The following RBPMS variants were observed in gnomAD, a reference collection of about 807,000 sequenced individuals.
The protein encoded by RBPMS is RNA binding protein, mRNA processing factor.
A neutral mutation model predicts 26.8 loss-of-function variants in RBPMS; 7 were observed. The ratio of observed to expected loss-of-function variants is 0.26; its 90% CI spans 0.15 to 0.49. The LOEUF is 0.49. Among genes scored for constraint, RBPMS ranks in the 20% least tolerant of loss-of-function variants. The pLI is 0.98. For missense variants in RBPMS, 186 were observed against 250.0 expected, an observed-to-expected ratio of 0.74 and a Z score of 1.73; for synonymous variants, 96 against 93.3, an observed-to-expected ratio of 1.03 and a Z score of -0.17.
chr8:30,417,378 T>TTATC (rs1463135558), intron 1 of RBPMS, among the ~76,000 whole-genome samples: 2 of 152,334 alleles, frequency 1.3e-5, no homozygotes, highest in African/African-American at 4.8e-5. Flanking sequence ...AGATAACTGA[T>TTATC]TATCAGTGGT....
At chr8:30,486,467 CAA>C (rs775790893) in intron 4 of RBPMS, among the ~76,000 whole-genome samples, 31 of 123,500 alleles carry the variant, frequency 2.5e-4, no homozygotes, top group East Asian at 4.7e-4. Flanking sequence ...ACTAAAAGTA[CAA>C]AAAAAAAAAA....
chr8:30,440,941 C>T (rs1301712208), intron 1 of RBPMS, among the ~76,000 whole-genome samples: 1 of 151,876 alleles, frequency 6.6e-6, no homozygotes, highest in African/African-American at 2.4e-5. Context: ...TGGCTAGGAC[C>T]ACATCACCAC....
chr8:30,562,912 TGACTA>T (rs2151090619), intron 7 of RBPMS, among the ~76,000 whole-genome samples: 1 of 152,320 alleles, frequency 6.6e-6, no homozygotes, highest in African/African-American at 2.4e-5. Flanking sequence ...GAGAAATCAG[TGACTA>T]GACTAGATAT....
At chr8:30,494,450 A>G (rs1484120782) in intron 4 of RBPMS, among the ~76,000 whole-genome samples, 5 of 144,730 alleles carry the variant, frequency 3.5e-5, no homozygotes, top group African/African-American at 1.2e-4. Flanking sequence ...ACAAGATCTC[A>G]TTTAATCTTT....
intron 1 of RBPMS, among the ~76,000 whole-genome samples, chr8:30,432,207 A>G (rs1373407691): frequency 6.6e-6 from 1 of 152,160 alleles, no homozygotes; most frequent in African/African-American, 2.4e-5. Flanking sequence ...CTTATTAACA[A>G]AGTTTGAAGT....
intron 1 of RBPMS, among the ~76,000 whole-genome samples, chr8:30,446,396 T>C (rs1813775124): frequency 6.6e-6 from 1 of 152,232 alleles, no homozygotes; most frequent in Non-Finnish European, 1.5e-5. Flanking sequence ...TTCTGTGTTT[T>C]CTATTTTAAG....
chr8:30,439,462 G>A (rs1174974253), intron 1 of RBPMS, among the ~76,000 whole-genome samples: 4 of 152,122 alleles, frequency 2.6e-5, no homozygotes, highest in Non-Finnish European at 4.4e-5. Context: ...TAGCACCTAC[G>A]AGAAACTTTG....
At chr8:30,472,737 G>A (rs1817268783) in intron 1 of RBPMS, among the ~76,000 whole-genome samples, 1 of 152,158 alleles carries the variant, frequency 6.6e-6, no homozygotes, top group Non-Finnish European at 1.5e-5. Context: ...GGCCTTGCTT[G>A]GTGATTCGCA....
intron 4 of RBPMS, among the ~76,000 whole-genome samples, chr8:30,486,723 TAGGG>T (rs1818831279): frequency 6.6e-6 from 1 of 152,120 alleles, no homozygotes; most frequent in Admixed American, 6.5e-5. Context: ...CCTGGAGAAT[TAGGG>T]AGGAAGAACC....
At position 30,541,243 on chromosome 8, in the gene RBPMS, G is replaced by A. The variant is rs186578910; in HGVS notation, c.398-3251G>A. On this transcript the variant is annotated intron_variant, in intron 5 of 8. Coordinates refer to ENST00000397323, the MANE Select transcript of RBPMS (RefSeq NM_001008710.3). ...CTGTTTCCTCATCTAAAACGAAAAG[G>A]CAGAAGATGATCTTCCCAAGCTCTG... 1.6e-4 allele frequency among the ~76,000 whole-genome samples: 25 copies of A among 152,206 alleles called. No individual in the cohort carries two copies. In the East Asian group the frequency reaches 3.5e-3, roughly 21 times the overall value.
At chr8:30,385,805 C>T (rs1806997942) in intron 1 of RBPMS, among the ~76,000 whole-genome samples, 1 of 152,078 alleles carries the variant, frequency 6.6e-6, no homozygotes, top group Non-Finnish European at 1.5e-5. Context: ...AAATGCTCAT[C>T]GAGGGTATTT....
chr8:30,441,822 G>A (rs1228861420), intron 1 of RBPMS, among the ~76,000 whole-genome samples: 1 of 151,866 alleles, frequency 6.6e-6, no homozygotes, highest in Non-Finnish European at 1.5e-5. Context: ...TTCTTTTTTT[G>A]AGACGGAGTC....
At chr8:30,549,795 T>TCTCTCTCTCTC (rs1298441943) in intron 6 of RBPMS, among the ~76,000 whole-genome samples, 1 of 100,742 alleles carries the variant, frequency 9.9e-6, no homozygotes, top group Non-Finnish European at 1.9e-5. Flanking sequence ...TCTCTCTCTC[T>TCTCTCTCTCTC]CCCCTCTCTC....
At chr8:30,537,477 A>G (rs1310495033) in intron 5 of RBPMS, 1 of 438,982 alleles carries the variant, frequency 2.3e-6, no homozygotes, top group African/African-American at 2.0e-5. Flanking sequence ...AGTTAAAGTC[A>G]GTCTGGCTGA....
At chr8:30,460,435 G>A (rs1815749250) in intron 1 of RBPMS, among the ~76,000 whole-genome samples, 1 of 152,200 alleles carries the variant, frequency 6.6e-6, no homozygotes, top group Non-Finnish European at 1.5e-5. Context: ...TAGAAAAGTG[G>A]ATGGTTCTTA....
chr8:30,419,466 G>GTA (rs1810496975), intron 1 of RBPMS, among the ~76,000 whole-genome samples: 1 of 151,636 alleles, frequency 6.6e-6, no homozygotes, highest in African/African-American at 2.4e-5. Context: ...GTGTGTGTGT[G>GTA]TGTGTGTGTG....
chr8:30,454,631 AAT>A (rs1475920589), intron 1 of RBPMS, among the ~76,000 whole-genome samples: 1 of 152,250 alleles, frequency 6.6e-6, no homozygotes, highest in Non-Finnish European at 1.5e-5. Context: ...CTTATAAAGA[AAT>A]AAATGTGTTG....
intron 1 of RBPMS, among the ~76,000 whole-genome samples, chr8:30,457,583 C>CTTTTTTT (rs77253053): frequency 1.5e-5 from 2 of 132,858 alleles, no homozygotes; most frequent in East Asian, 2.3e-4. Flanking sequence ...GATTTACATT[C>CTTTTTTT]TTTTTTTTTT....
chr8:30,412,150 C>CTA (rs1809525031), intron 1 of RBPMS, among the ~76,000 whole-genome samples: 1 of 152,202 alleles, frequency 6.6e-6, no homozygotes, highest in South Asian at 2.1e-4. Context: ...ACACACCTTG[C>CTA]TATAATTAGT....
Sources: gnomAD v4.1 joint callset for allele counts (sites outside exome capture counted in the v4.1 genomes callset) on GRCh38, gnomAD v4.1.1 for gene constraint, MANE v1.5 for transcripts, NCBI Gene and HGNC (gene_info 2026-07-23, HGNC 2026-07-21) for gene names.